Variants in MARCHF1 observed in about 807,000 individuals in gnomAD.
The protein encoded by MARCHF1 is E3 ubiquitin-protein ligase MARCHF1.
Under a neutral mutation model 54.2 loss-of-function variants are expected in MARCHF1, and 40 were observed. The observed-to-expected ratio is 0.74, with a 90% CI of 0.57 to 0.96. The LOEUF is 0.96. Ranked by LOEUF, MARCHF1 falls within the 40% of genes least tolerant of loss-of-function variation. The probability of loss-of-function intolerance (pLI) is 0.00; values close to 1 mark genes in which losing one functional copy is unlikely to be tolerated. For missense variants in MARCHF1, 586 were observed against 656.5 expected (o/e 0.89, Z 1.17); for synonymous variants, 236 against 236.3 (o/e 1.00, Z 0.01).
intron 1 of MARCHF1, among the ~76,000 whole-genome samples, chr4:164,126,282 T>C (rs1475027557): frequency 6.6e-6 from 1 of 152,154 alleles, no homozygotes; most frequent in Non-Finnish European, 1.5e-5. Context: ...AAGGGAGTTA[T>C]GTCTTCCCTT....
chr4:164,327,489 G>A (rs1735314553), intron 1 of MARCHF1, among the ~76,000 whole-genome samples: 1 of 152,274 alleles, frequency 6.6e-6, no homozygotes, highest in African/African-American at 2.4e-5. Flanking sequence ...GTTGTTGTCA[G>A]GTCAGTGAAA....
intron 5 of MARCHF1, among the ~76,000 whole-genome samples, chr4:163,615,932 GC>G (rs1489930855): frequency 6.6e-6 from 1 of 152,058 alleles, no homozygotes; most frequent in Non-Finnish European, 1.5e-5. Context: ...TGTATTTATA[GC>G]CAACTGATTT....
At chr4:164,032,800 AC>A (rs1753906152) in intron 2 of MARCHF1, among the ~76,000 whole-genome samples, 1 of 152,030 alleles carries the variant, frequency 6.6e-6, no homozygotes, top group Non-Finnish European at 1.5e-5. Context: ...GAGAGGATTA[AC>A]TACCTTAAAA....
At chr4:163,647,185 A>C (rs1245323932) in intron 5 of MARCHF1, among the ~76,000 whole-genome samples, 1 of 152,118 alleles carries the variant, frequency 6.6e-6, no homozygotes. Flanking sequence ...ATAATGATAA[A>C]GGGGTTAATT....
chr4:164,212,049 C>T (rs572153853), intron 1 of MARCHF1, among the ~76,000 whole-genome samples: 1 of 151,506 alleles, frequency 6.6e-6, no homozygotes, highest in Admixed American at 6.6e-5. Flanking sequence ...TTGAAAGCAA[C>T]TAATAATTTG....
intron 3 of MARCHF1, among the ~76,000 whole-genome samples, chr4:163,944,315 T>C (rs1579411922): frequency 6.6e-6 from 1 of 152,102 alleles, no homozygotes; most frequent in South Asian, 2.1e-4. Flanking sequence ...GGGAGTTGTC[T>C]AGCTGCAGTC....
intron 5 of MARCHF1, among the ~76,000 whole-genome samples, chr4:163,697,874 A>C (rs899384045): frequency 4.6e-5 from 7 of 152,206 alleles, no homozygotes; most frequent in Non-Finnish European, 8.8e-5. Context: ...TCCACTCTGC[A>C]TTTTATTATT....
chr4:163,723,706 G>T (rs1745555925), intron 4 of MARCHF1, among the ~76,000 whole-genome samples: 1 of 152,092 alleles, frequency 6.6e-6, no homozygotes, highest in Non-Finnish European at 1.5e-5. Flanking sequence ...CATATTTCTT[G>T]GAGGCTTTGT....
At chr4:163,719,789 G>A (rs1230807765) in intron 4 of MARCHF1, among the ~76,000 whole-genome samples, 1 of 152,110 alleles carries the variant, frequency 6.6e-6, no homozygotes, top group African/African-American at 2.4e-5. Flanking sequence ...CAGTGATGAT[G>A]AGCATTTTTT....
At chr4:163,706,993 G>A (rs148574777) in intron 4 of MARCHF1, among the ~76,000 whole-genome samples, 5 of 152,154 alleles carry the variant, frequency 3.3e-5, no homozygotes, top group African/African-American at 7.2e-5. Context: ...TTTCCAGTCA[G>A]TATTGAGGAT....
At chr4:164,197,298 G>C in intron 1 of MARCHF1, 2 of 1,611,836 alleles carry the variant, frequency 1.2e-6, no homozygotes, top group Non-Finnish European at 8.5e-7. Flanking sequence ...CGAGATATGT[G>C]AGTTGCAGGA....
chr4:163,643,038 C>A (rs187676119), intron 5 of MARCHF1, among the ~76,000 whole-genome samples: 1 of 151,358 alleles, frequency 6.6e-6, no homozygotes, highest in Non-Finnish European at 1.5e-5. Flanking sequence ...GTTGGCCAGG[C>A]GCAGTGGCTC....
intron 2 of MARCHF1, among the ~76,000 whole-genome samples, chr4:164,035,330 G>C (rs1289254450): frequency 6.6e-6 from 1 of 151,860 alleles, no homozygotes; most frequent in African/African-American, 2.4e-5. Context: ...AATTAAATCT[G>C]TAATTCCTCT....
At chr4:164,081,728 A>G (rs1272489261) in intron 2 of MARCHF1, among the ~76,000 whole-genome samples, 1 of 151,776 alleles carries the variant, frequency 6.6e-6, no homozygotes, top group Non-Finnish European at 1.5e-5. Context: ...ACACACATGC[A>G]CACACACACA....
At chr4:163,638,301 G>T (rs539398072) in intron 5 of MARCHF1, among the ~76,000 whole-genome samples, 1 of 151,772 alleles carries the variant, frequency 6.6e-6, no homozygotes, top group Non-Finnish European at 1.5e-5. Flanking sequence ...GGTGGGGCTG[G>T]TGAAAAACGT....
At chr4:163,806,874 T>A (rs1748240282) in intron 4 of MARCHF1, among the ~76,000 whole-genome samples, 1 of 151,882 alleles carries the variant, frequency 6.6e-6, no homozygotes, top group Non-Finnish European at 1.5e-5. Flanking sequence ...CTCAACCAAC[T>A]ACATTCCAGA....
rs192185747 is a variant in MARCHF1, at chr4:164,081,575, C to G, written c.-248+30013G>C. Among the ~76,000 whole-genome samples the G allele has an allele frequency of 3.7e-3, 568 of 152,150 alleles. 3 individuals carry two copies. Among genetic ancestry groups the G allele is most frequent in the Middle Eastern group, 0.027 (8 of 294 alleles). ...GAATCTAAGCCCTATGAGTGCTCCT[C>G]TTCCTTCACCTAGCAGCATGACACA... On this transcript the variant is annotated intron_variant, in intron 2 of 9. Coordinates refer to ENST00000514618, the MANE Select transcript of MARCHF1 (RefSeq NM_001394959.1).
intron 3 of MARCHF1, among the ~76,000 whole-genome samples, chr4:163,952,336 A>G (rs760236329): frequency 2.0e-5 from 3 of 152,168 alleles, no homozygotes; most frequent in Non-Finnish European, 4.4e-5. Context: ...GACTTCTCTC[A>G]TATTTTTATA....
chr4:163,932,577 G>C, intron 3 of MARCHF1: 1 of 377,240 alleles, frequency 2.7e-6, no homozygotes, highest in South Asian at 2.2e-5. Flanking sequence ...GTGCTATGAT[G>C]ACATGGGTAC....
Sources: gnomAD v4.1 joint callset for allele counts (sites outside exome capture counted in the v4.1 genomes callset) on GRCh38, gnomAD v4.1.1 for gene constraint, MANE v1.5 for transcripts, NCBI Gene and HGNC (gene_info 2026-07-23, HGNC 2026-07-21) for gene names.